The following GALNT13 variants were observed in gnomAD, a reference collection of about 807,000 sequenced individuals.
GALNT13 encodes polypeptide N-acetylgalactosaminyltransferase 13, also known as UDP-GalNAc:polypeptide N-acetylgalactosaminyltransferase 13.
A neutral mutation model predicts 64.2 loss-of-function variants in GALNT13; 28 were observed. That is an observed-to-expected ratio of 0.44 (90% CI 0.32 to 0.60). GALNT13 has a LOEUF of 0.60. Ranked by LOEUF, GALNT13 falls within the 20% of genes least tolerant of loss-of-function variation. GALNT13 has a pLI of 0.05. For synonymous variants in GALNT13, 214 were observed against 224.6 expected, an observed-to-expected ratio of 0.95 and a Z score of 0.42; for missense variants, 577 against 669.8, an observed-to-expected ratio of 0.86 and a Z score of 1.53.
intron 11 of GALNT13, among the ~76,000 whole-genome samples, chr2:154,426,640 T>C (rs1248466455): frequency 6.6e-6 from 1 of 152,218 alleles, no homozygotes. Context: ...ATCTGGAGCA[T>C]GTTTATAAAT....
At chr2:154,399,546 C>A (rs1699205703) in intron 10 of GALNT13, among the ~76,000 whole-genome samples, 1 of 152,100 alleles carries the variant, frequency 6.6e-6, no homozygotes, top group Non-Finnish European at 1.5e-5. Flanking sequence ...TAATCCCATT[C>A]ATAAGGATGA....
chr2:153,680,428 G>A, the GALNT13 span, among the ~76,000 whole-genome samples: 1 of 151,714 alleles, frequency 6.6e-6, no homozygotes, highest in East Asian at 1.9e-4. Context: ...AGTTATCACT[G>A]CACAAAAATA....
intron 3 of GALNT13, 108 bp from the exon 4 acceptor site, chr2:154,140,229 C>T: frequency 4.0e-6 from 3 of 746,702 alleles, no homozygotes; most frequent in East Asian, 2.8e-5. Context: ...ATTATAAAAC[C>T]TGTATGTAAA....
chr2:154,269,291 C>G (rs977780566), intron 8 of GALNT13, among the ~76,000 whole-genome samples: 9 of 152,036 alleles, frequency 5.9e-5, no homozygotes, highest in African/African-American at 2.2e-4. Context: ...GTGAAAACAT[C>G]AGCCGTAATA....
chr2:153,556,958 A>G, the GALNT13 span, among the ~76,000 whole-genome samples: 1 of 152,172 alleles, frequency 6.6e-6, no homozygotes, highest in Non-Finnish European at 1.5e-5. Flanking sequence ...AAGATATCCT[A>G]AATTCAGTGT....
At chr2:154,211,899 A>G (rs1434907617) in intron 4 of GALNT13, among the ~76,000 whole-genome samples, 2 of 152,132 alleles carry the variant, frequency 1.3e-5, no homozygotes, top group African/African-American at 4.8e-5. Flanking sequence ...GACAAAACAA[A>G]AAAGTAAACT....
At chr2:153,171,549 G>C in the GALNT13 span, among the ~76,000 whole-genome samples, 1 of 152,104 alleles carries the variant, frequency 6.6e-6, no homozygotes, top group Non-Finnish European at 1.5e-5. Context: ...AATTTCTAAT[G>C]AAATATATTA....
chr2:154,106,461 ACTT>A (rs1702620559), intron 3 of GALNT13, among the ~76,000 whole-genome samples: 1 of 152,024 alleles, frequency 6.6e-6, no homozygotes, highest in South Asian at 2.1e-4. Context: ...AATTCATATT[ACTT>A]CTTTGTAAAA....
chr2:153,574,185 C>T, the GALNT13 span, among the ~76,000 whole-genome samples: 3 of 150,882 alleles, frequency 2.0e-5, no homozygotes, highest in Non-Finnish European at 4.4e-5. Flanking sequence ...TCTCTCCTGG[C>T]CTGTAAGGTT....
the GALNT13 span, among the ~76,000 whole-genome samples, chr2:153,205,891 T>A: frequency 6.6e-6 from 1 of 152,030 alleles, no homozygotes; most frequent in Non-Finnish European, 1.5e-5. Flanking sequence ...TATTATTAAT[T>A]TTTCTAATAT....
intron 8 of GALNT13, among the ~76,000 whole-genome samples, chr2:154,272,665 G>C (rs900338885): frequency 2.0e-5 from 3 of 152,082 alleles, no homozygotes; most frequent in African/African-American, 4.8e-5. Flanking sequence ...AATTTCACTA[G>C]AGCCTCCCAT....
chr2:153,172,270 C>T, the GALNT13 span, among the ~76,000 whole-genome samples: 2 of 152,082 alleles, frequency 1.3e-5, no homozygotes, highest in South Asian at 4.1e-4. Context: ...TAGAGGGAGC[C>T]TTGGTGTAGC....
the GALNT13 span, among the ~76,000 whole-genome samples, chr2:153,533,717 G>GTTTTTTTTTTTTTTTT: frequency 4.2e-5 from 1 of 24,066 alleles, no homozygotes; most frequent in African/African-American, 1.8e-4. Context: ...ATATCCTGAG[G>GTTTTTTTTTTTTTTTT]TTTTTCTTTT....
At chr2:153,593,981 T>A in the GALNT13 span, among the ~76,000 whole-genome samples, 1 of 152,124 alleles carries the variant, frequency 6.6e-6, no homozygotes, top group African/African-American at 2.4e-5. Flanking sequence ...CTGACCCACA[T>A]TGACAATATG....
the GALNT13 span, among the ~76,000 whole-genome samples, chr2:153,380,672 A>C: frequency 6.6e-6 from 1 of 152,154 alleles, no homozygotes; most frequent in Non-Finnish European, 1.5e-5. Context: ...AAAGTATATT[A>C]TGACCAAATT....
At chr2:153,112,030 T>C in the GALNT13 span, among the ~76,000 whole-genome samples, 9 of 152,080 alleles carry the variant, frequency 5.9e-5, no homozygotes, top group Non-Finnish European at 1.3e-4. Context: ...CCCTACCACC[T>C]ATCACCAAAT....
chr2:153,308,515 T>C, the GALNT13 span, among the ~76,000 whole-genome samples: 3 of 152,182 alleles, frequency 2.0e-5, no homozygotes, highest in Non-Finnish European at 4.4e-5. Context: ...ATAACAAGCT[T>C]CCTTGAGCTT....
chr2:154,041,684 A>G (rs1698986592), intron 3 of GALNT13, among the ~76,000 whole-genome samples: 1 of 140,908 alleles, frequency 7.1e-6, no homozygotes, highest in Admixed American at 7.1e-5. Flanking sequence ...TATAGATACC[A>G]TAGACATTTT....
At chr2:154,097,260 A>G (rs1197081605) in intron 3 of GALNT13, among the ~76,000 whole-genome samples, 1 of 152,076 alleles carries the variant, frequency 6.6e-6, no homozygotes, top group Non-Finnish European at 1.5e-5. Flanking sequence ...CGCTTAATTC[A>G]TAATCTAGTG....
Sources: gnomAD v4.1 joint callset for allele counts (sites outside exome capture counted in the v4.1 genomes callset) on GRCh38, gnomAD v4.1.1 for gene constraint, MANE v1.5 for transcripts, NCBI Gene and HGNC (gene_info 2026-07-23, HGNC 2026-07-21) for gene names.